The following CORIN variants were observed in gnomAD, a reference collection of about 807,000 sequenced individuals.
CORIN encodes corin, serine peptidase.
Under a neutral mutation model 125.3 loss-of-function variants are expected in CORIN, and 117 were observed. The ratio of observed to expected loss-of-function variants is 0.93; its 90% CI spans 0.80 to 1.09. The LOEUF (loss-of-function observed/expected upper bound fraction) is 1.09, where lower values mean the gene tolerates loss of function less well. CORIN is among the 50% of genes least tolerant of loss of function. CORIN has a pLI of 0.00. For missense variants in CORIN, 1,253 were observed against 1,306.7 expected (o/e 0.96, Z 0.63); for synonymous variants, 450 against 466.4 (o/e 0.96, Z 0.45).
At chr4:47,694,554 G>C (rs1489013353) in intron 5 of CORIN, among the ~76,000 whole-genome samples, 1 of 151,970 alleles carries the variant, frequency 6.6e-6, no homozygotes, top group Non-Finnish European at 1.5e-5. Context: ...TGTATTCCTT[G>C]ATAAGATGAA....
intron 13 of CORIN, among the ~76,000 whole-genome samples, chr4:47,648,495 T>G (rs936156398): frequency 6.6e-6 from 1 of 152,144 alleles, no homozygotes; most frequent in Middle Eastern, 3.2e-3. Context: ...GCTTACTCTA[T>G]CTCTCATTTT....
intron 6 of CORIN, among the ~76,000 whole-genome samples, chr4:47,684,688 G>A (rs779413474): frequency 5.9e-5 from 9 of 152,018 alleles, no homozygotes; most frequent in Non-Finnish European, 1.3e-4. Context: ...TTCAACAAAC[G>A]GTATTGGGAC....
At chr4:47,727,579 A>C (rs1727655161) in intron 5 of CORIN, among the ~76,000 whole-genome samples, 1 of 152,126 alleles carries the variant, frequency 6.6e-6, no homozygotes, top group Non-Finnish European at 1.5e-5. Flanking sequence ...TTTGTTCTAG[A>C]GATGCATGGT....
intron 4 of CORIN, among the ~76,000 whole-genome samples, chr4:47,749,476 A>G (rs1728807034): frequency 6.6e-6 from 1 of 152,198 alleles, no homozygotes; most frequent in Non-Finnish European, 1.5e-5. Flanking sequence ...CAAGAATCAC[A>G]TGAGCTTGGA....
chr4:47,654,214 T>C (rs1391469306), intron 12 of CORIN, among the ~76,000 whole-genome samples: 1 of 152,186 alleles, frequency 6.6e-6, no homozygotes, highest in East Asian at 1.9e-4. Context: ...ATTAAACTCA[T>C]CTCTGAGTTC....
intron 1 of CORIN, among the ~76,000 whole-genome samples, chr4:47,824,489 T>A (rs983243944): frequency 6.6e-6 from 1 of 152,098 alleles, no homozygotes; most frequent in African/African-American, 2.4e-5. Flanking sequence ...TTTCTTTCTT[T>A]CTTTTTTTGC....
At chr4:47,816,866 A>G (rs973383622) in intron 1 of CORIN, among the ~76,000 whole-genome samples, 3 of 151,924 alleles carry the variant, frequency 2.0e-5, no homozygotes, top group African/African-American at 7.3e-5. Context: ...ACACACACTC[A>G]CACACTCATT....
chr4:47,630,771 A>T (rs574128187), intron 16 of CORIN, among the ~76,000 whole-genome samples: 1 of 152,228 alleles, frequency 6.6e-6, no homozygotes, highest in African/African-American at 2.4e-5. Context: ...TTCAAACTTT[A>T]GCATTCATCA....
chr4:47,631,489 T>C (rs765858918), intron 16 of CORIN, among the ~76,000 whole-genome samples: 2 of 151,906 alleles, frequency 1.3e-5, no homozygotes, highest in Non-Finnish European at 2.9e-5. Flanking sequence ...GATCTGTCAC[T>C]GTCTCCCATC....
intron 3 of CORIN, among the ~76,000 whole-genome samples, chr4:47,767,913 G>A (rs1342008443): frequency 1.3e-5 from 2 of 152,112 alleles, no homozygotes; most frequent in East Asian, 3.9e-4. Context: ...TAATGAGAAA[G>A]GATATTGAAC....
intron 3 of CORIN, among the ~76,000 whole-genome samples, chr4:47,780,527 A>C (rs1353386328): frequency 6.6e-6 from 1 of 152,220 alleles, no homozygotes; most frequent in Non-Finnish European, 1.5e-5. Flanking sequence ...CCAGAACAGC[A>C]AAGTAAGATC....
At chr4:47,635,961 C>G (rs1053561191) in intron 16 of CORIN, among the ~76,000 whole-genome samples, 17 of 152,090 alleles carry the variant, frequency 1.1e-4, no homozygotes, top group African/African-American at 4.1e-4. Context: ...TCTTATTTAC[C>G]CAGGATCCAT....
chr4:47,634,135 G>A (rs1722939318), intron 16 of CORIN, among the ~76,000 whole-genome samples: 1 of 152,182 alleles, frequency 6.6e-6, no homozygotes, highest in Non-Finnish European at 1.5e-5. Context: ...CAGGATGATT[G>A]ATGCCAGGGA....
intron 2 of CORIN, among the ~76,000 whole-genome samples, chr4:47,787,985 T>C (rs1443869337): frequency 6.6e-6 from 1 of 152,254 alleles, no homozygotes; most frequent in East Asian, 1.9e-4. Context: ...CTAAGATTAT[T>C]GAAAACCACC....
At chr4:47,814,617 T>C (rs1732189858) in intron 1 of CORIN, among the ~76,000 whole-genome samples, 1 of 152,176 alleles carries the variant, frequency 6.6e-6, no homozygotes, top group East Asian at 1.9e-4. Flanking sequence ...CAATAATAGC[T>C]CTCACTCAAC....
rs1397235378 is a variant in CORIN, at chr4:47,595,887, G to C, written c.2963C>G (p.Pro988Arg). 1.9e-6 allele frequency: 3 copies of C among 1,609,164 alleles called. No homozygotes were observed. The African/African-American group carries it at 4.0e-5, about 22-fold the overall frequency. ...TCCTCCAGGCTTCTCACAAACAAGA[G>C]GCCCACCGCTGTCACCCTGCAATAA... The part of the protein sequence containing the change: ...VDSCMGDSGG[P>R]LVCEKPGGRW... Residue 988 changes from proline to arginine, a missense_variant, in exon 22 of 22, where the codon CCT becomes CGT. Coordinates refer to ENST00000273857, the MANE Select transcript of CORIN (RefSeq NM_006587.4).
intron 3 of CORIN, among the ~76,000 whole-genome samples, chr4:47,778,558 C>G (rs1730396579): frequency 6.6e-6 from 1 of 152,176 alleles, no homozygotes; most frequent in Admixed American, 6.5e-5. Context: ...AGAATCCATT[C>G]TTATATTCGA....
At chr4:47,724,399 G>T (rs1727495467) in intron 5 of CORIN, among the ~76,000 whole-genome samples, 1 of 152,036 alleles carries the variant, frequency 6.6e-6, no homozygotes, top group African/African-American at 2.4e-5. Context: ...ATTATCAAAA[G>T]GTCCAATATT....
intron 1 of CORIN, among the ~76,000 whole-genome samples, chr4:47,816,309 T>G (rs1287134491): frequency 6.6e-6 from 1 of 152,248 alleles, no homozygotes; most frequent in African/African-American, 2.4e-5. Flanking sequence ...ACATTCATCA[T>G]ATGTTTTGCT....
Sources: allele counts gnomAD v4.1 joint callset (sites outside exome capture counted in the v4.1 genomes callset), GRCh38; gene constraint gnomAD v4.1.1; transcripts MANE v1.5; gene names NCBI Gene and HGNC (gene_info 2026-07-23, HGNC 2026-07-21).